Variants in RHBDD3 observed in about 807,000 individuals in gnomAD.
RHBDD3 encodes rhomboid domain containing 3.
RHBDD3 carries 34 observed loss-of-function variants against 32.3 expected under a neutral mutation model. The ratio of observed to expected loss-of-function variants is 1.05; its 90% CI spans 0.80 to 1.40. The LOEUF (loss-of-function observed/expected upper bound fraction) is 1.40, where lower values mean the gene tolerates loss of function less well. Ranked by LOEUF, RHBDD3 falls within the 40% of genes most tolerant of loss-of-function variation. The pLI, the probability that RHBDD3 is intolerant of heterozygous loss-of-function variation, is 0.00. For synonymous variants in RHBDD3, 249 were observed against 239.1 expected, an observed-to-expected ratio of 1.04 and a Z score of -0.38; for missense variants, 482 against 492.6, an observed-to-expected ratio of 0.98 and a Z score of 0.20.
rs968266907 is a variant in RHBDD3, at chr22:29,260,033, C to T, written c.*27G>A. 6.5e-7 allele frequency: 1 copy of T among 1,548,774 alleles called. No homozygotes were observed. The highest frequency in any genetic ancestry group is 1.4e-5 in the African/African-American group (1 of 73,074). ...AGCCCAGCCCTTAGCACCCAAGGGC[C>T]TGCCTGTGCCCCACTCTCTGCCTGG... On this transcript the variant is annotated 3_prime_UTR_variant, in exon 7 of 7. Coordinates refer to ENST00000216085, the MANE Select transcript of RHBDD3 (RefSeq NM_012265.3).
chr22:29,261,219 G>T (rs1316151610), intron 4 of RHBDD3: 1 of 524,314 alleles, frequency 1.9e-6, no homozygotes, highest in South Asian at 1.5e-5. Flanking sequence ...CCTTCAGACA[G>T]GCCTGGATAA....
In RHBDD3 at chr22:29,260,061, T is replaced by TG; in HGVS notation, c.1159_1160insC (p.Ter387SerfsTer30). 1 of 1,558,992 alleles carries TG rather than the reference T, an allele frequency of 6.4e-7. No individual in the cohort carries two copies. Among genetic ancestry groups the TG allele is most frequent in the Non-Finnish European group, 8.7e-7 (1 of 1,151,900 alleles). The stretch of plus-strand genomic sequence containing the variant: ...CCTGTGCCCCACTCTCTGCCTGGGC[T>TG]AGGGAGGCCCAGGACCCTCGGAGTG... On this transcript the variant is annotated frameshift_variant and stop_lost, in exon 7 of 7. Coordinates refer to ENST00000216085, the MANE Select transcript of RHBDD3 (RefSeq NM_012265.3). LOFTEE classifies it high-confidence loss of function.
chr22:29,261,547 T>C, intron 4 of RHBDD3: 1 of 330,792 alleles, frequency 3.0e-6, no homozygotes, highest in Non-Finnish European at 6.0e-6. Context: ...TGAGCTATGA[T>C]GGCGTCGCCA....
intron 3 of RHBDD3, chr22:29,264,601 C>T (rs2058156384): frequency 1.2e-6 from 1 of 807,874 alleles, no homozygotes; most frequent in African/African-American, 1.9e-5. Context: ...TTCCCTCAAG[C>T]TGTGTGACCC....
chr22:29,265,529 GC>G lies in RHBDD3; in HGVS notation c.97del (p.Ala33ProfsTer22). ...LLMSTLWLVG[A>X]GPGLVLAPEL... ...CGGGGCCAGGACCAGGCCGGGGCCGGCCCCCACCAGCCACAGGGTGCTCATC... is the reference window on the plus strand; with the variant it reads ...CGGGGCCAGGACCAGGCCGGGGCCGGCCCCACCAGCCACAGGGTGCTCATC... On this transcript the variant is annotated frameshift_variant, in exon 3 of 7. Coordinates refer to ENST00000216085, the MANE Select transcript of RHBDD3 (RefSeq NM_012265.3). LOFTEE classifies it high-confidence loss of function. 3 of 1,576,770 alleles carry G rather than the reference GC, an allele frequency of 1.9e-6. No homozygotes were observed. The highest frequency in any genetic ancestry group is 2.4e-5 in the East Asian group (1 of 41,538).
In RHBDD3 at chr22:29,267,898, T is replaced by G; in HGVS notation, c.-345A>C. 2.6e-5 allele frequency: 6 copies of G among 226,746 alleles called. No homozygotes were observed. The highest frequency in any genetic ancestry group is 6.7e-5 in the East Asian group (1 of 15,002). The allele number at this position is 226,746 out of a possible 1,614,324, so 14.0% of individuals were successfully genotyped here. ...TGCCGACCGGCTGGCGCGCCACCCATTCCCCGCGGCCCGCGGATTAGTCAG... is the reference window on the plus strand; with the variant it reads ...TGCCGACCGGCTGGCGCGCCACCCAGTCCCCGCGGCCCGCGGATTAGTCAG... On this transcript the variant is annotated 5_prime_UTR_variant, in exon 1 of 7. The change abolishes an upstream ATG in the 5' untranslated region. Coordinates refer to ENST00000216085, the MANE Select transcript of RHBDD3 (RefSeq NM_012265.3).
rs771435333 is a variant in RHBDD3, at chr22:29,260,204, C to T, written c.1017G>A (p.Thr339=). Residue 339 remains threonine (T), a synonymous_variant, in exon 7 of 7, where the codon ACG becomes ACA. Coordinates refer to ENST00000216085, the MANE Select transcript of RHBDD3 (RefSeq NM_012265.3). ...CTGCCAGTGCCACCACCGCCTGCTC[C>T]GTAGGGAAGCCCATGCGCTCCAGCT... ...LQQLERMGFP[T]EQAVVALAAT... 1.3e-5 allele frequency: 20 copies of T among 1,597,036 alleles called. No homozygotes were observed. Among genetic ancestry groups the T allele is most frequent in the East Asian group, 9.0e-5 (4 of 44,204 alleles).
chr22:29,260,194 C>A lies in RHBDD3; in HGVS notation c.1027G>T (p.Val343Leu), dbSNP rs1162895325. The change falls in exon 7 of 7, where the codon GTG becomes TTG. Residue 343 changes from valine (V) to leucine (L), a missense_variant. By Grantham distance (32) the Val-to-Leu change is conservative (BLOSUM62 1). Transcript: ENST00000216085. Reference protein sequence around the residue: ...ERMGFPTEQAVVALAATGRVE... With the variant: ...ERMGFPTEQALVALAATGRVE... ...CGGCCTGTGGCTGCCAGTGCCACCA[C>A]CGCCTGCTCCGTAGGGAAGCCCATG... is the stretch of plus-strand genomic sequence containing the variant. The A allele has an allele frequency of 6.3e-7, 1 of 1,594,000 alleles. No homozygotes were observed. The highest frequency in any genetic ancestry group is 8.5e-7 in the Non-Finnish European group (1 of 1,170,784).
At chr22:29,261,367 C>T (rs1431808946) in intron 4 of RHBDD3, 12 of 464,226 alleles carry the variant, frequency 2.6e-5, no homozygotes, top group South Asian at 6.2e-5. Flanking sequence ...GAGGCTGAGA[C>T]GGGAGGATCA....
Position 29,260,519 on chromosome 22 carries a change from G to C in RHBDD3, c.790C>G (p.Gln264Glu). Reference protein sequence around the residue: ...ALPPPSLRPVQPTWEGSSEAG... With the variant: ...ALPPPSLRPVEPTWEGSSEAG... ...TCTGAGGAGCCCTCCCAGGTGGGCT[G>C]CACAGGCCTCAGGCTTGGTGGGGGC... The change falls in exon 6 of 7, where the codon CAG (glutamine) becomes GAG (glutamate). Residue 264 changes from glutamine to glutamate, a missense_variant. Gln to Glu is a conservative substitution (Grantham distance 29). Transcript: ENST00000216085. 6.3e-7 allele frequency: 1 copy of C among 1,597,698 alleles called. No homozygotes were observed. Among genetic ancestry groups the C allele is most frequent in the Non-Finnish European group, 8.5e-7 (1 of 1,174,592 alleles).
chr22:29,263,293 T>C (rs2146518299), intron 4 of RHBDD3, among the ~76,000 whole-genome samples: 1 of 152,306 alleles, frequency 6.6e-6, no homozygotes, highest in African/African-American at 2.4e-5. Flanking sequence ...TCCGCCCACC[T>C]TGGCCTCCCA....
At chr22:29,266,814 T>G (rs1000187053) in intron 2 of RHBDD3, among the ~76,000 whole-genome samples, 7 of 152,218 alleles carry the variant, frequency 4.6e-5, no homozygotes, top group Admixed American at 4.6e-4. Context: ...CTTCTCCACA[T>G]CTACCAGTTT....
Position 29,260,249 on chromosome 22 carries a change from G to A in RHBDD3, c.984-12C>T, listed in dbSNP as rs199633936. Reference sequence around the variant, plus strand: ...CCAGCTGCTGCAGCCTGTTGGGGGTGGGGGGAGAAGTGGGGAGTGTCAGGG... The same window carrying A: ...CCAGCTGCTGCAGCCTGTTGGGGGTAGGGGGAGAAGTGGGGAGTGTCAGGG... On this transcript the variant is annotated splice_polypyrimidine_tract_variant and intron_variant, in intron 6 of 6. Transcript: ENST00000216085. 7.4e-5 allele frequency: 118 copies of A among 1,601,628 alleles called. No homozygotes were observed. In the East Asian group the frequency reaches 1.7e-3, roughly 24 times the overall value.
intron 2 of RHBDD3, among the ~76,000 whole-genome samples, chr22:29,266,055 G>A (rs2058172620): frequency 2.0e-5 from 3 of 152,120 alleles, no homozygotes; most frequent in Admixed American, 1.3e-4. Context: ...CAGCCTTAAT[G>A]CTCCAGATGG....
At chr22:29,268,087 A>AC, upstream of RHBDD3, 1 of 592,496 alleles carries the variant, frequency 1.7e-6, no homozygotes, top group East Asian at 2.8e-5. Flanking sequence ...AGACCCGCTC[A>AC]CCCCCGCTCT....
At chr22:29,263,788 A>C in intron 4 of RHBDD3, 47 bp downstream of exon 4, 1 of 1,467,384 alleles carries the variant, frequency 6.8e-7, no homozygotes, top group Non-Finnish European at 9.1e-7. Context: ...GCACCCACCC[A>C]CAGAACCCAC....
chr22:29,261,046 A>T lies in RHBDD3; in HGVS notation c.533-182T>A, dbSNP rs2058111482. 6 of 680,168 alleles carry T rather than the reference A, an allele frequency of 8.8e-6. No homozygotes were observed. The Admixed American group carries it at 1.5e-4, about 17-fold the overall frequency. 42.1% of individuals were successfully genotyped at this position (680,168 alleles called of 1,614,324 possible). A position where few individuals can be genotyped will look rare whatever the true frequency, so the allele number is the denominator to read the frequency against. ...AGCAGAGGCTCAGAAAGGAAAAGGG[A>T]TCTGCCTGAAGCTACTCAGCCAAAC... is the stretch of plus-strand genomic sequence containing the variant. On this transcript the variant is annotated intron_variant, in intron 4 of 6. Coordinates refer to ENST00000216085, the MANE Select transcript of RHBDD3 (RefSeq NM_012265.3).
At chr22:29,265,316 T>C in intron 3 of RHBDD3, 163 bp downstream of exon 3, 1 of 541,114 alleles carries the variant, frequency 1.8e-6, no homozygotes, top group Non-Finnish European at 3.1e-6. Context: ...CCTTCTTGGC[T>C]GTGGATGTGC....
chr22:29,268,091 C>G (rs188799962), upstream of RHBDD3: 107 of 599,328 alleles, frequency 1.8e-4, no homozygotes, highest in African/African-American at 1.7e-3. Flanking sequence ...CCGCTCACCC[C>G]CGCTCTGGCC....
Sources: allele counts gnomAD v4.1 joint callset (sites outside exome capture counted in the v4.1 genomes callset), GRCh38; gene constraint gnomAD v4.1.1; transcripts MANE v1.5; gene names NCBI Gene and HGNC (gene_info 2026-07-23, HGNC 2026-07-21).